The following PCDHGA8 variants were observed in gnomAD, a reference collection of about 807,000 sequenced individuals.
PCDHGA8 encodes the protein protocadherin gamma subfamily A, 8.
In PCDHGA8, 45 loss-of-function variants were observed where a neutral mutation model predicts 59.2. The observed-to-expected ratio is 0.76, with a 90% confidence interval of 0.60 to 0.98. The LOEUF is 0.98. Ranked by LOEUF, PCDHGA8 falls within the 50% of genes least tolerant of loss-of-function variation. The probability of loss-of-function intolerance (pLI) is 0.00; values close to 1 mark genes in which losing one functional copy is unlikely to be tolerated. For synonymous variants in PCDHGA8, 531 were observed against 519.0 expected, an observed-to-expected ratio of 1.02 and a Z score of -0.32; for missense variants, 1,257 against 1,196.2, an observed-to-expected ratio of 1.05 and a Z score of -0.75.
intron 1 of PCDHGA8, chr5:141,430,525 G>C (rs1354801907): frequency 3.3e-5 from 12 of 365,842 alleles, no homozygotes; most frequent in Admixed American, 1.3e-4. Context: ...GCAGTAATTG[G>C]TTAGGACTCT....
At chr5:141,418,305 G>T in intron 1 of PCDHGA8, 1 of 1,614,026 alleles carries the variant, frequency 6.2e-7, no homozygotes, top group South Asian at 1.1e-5. Context: ...GTCAGCCTGG[G>T]GATGGGAACA....
At position 141,408,301 on chromosome 5, in the gene PCDHGA8, C is replaced by T. The variant is rs1472435921; in HGVS notation, c.2424+13064C>T. 3.1e-6 allele frequency: 5 copies of T among 1,613,756 alleles called. No individual in the cohort carries two copies. In the Admixed American group the frequency reaches 8.3e-5, roughly 27 times the overall value. ...TCTACCCCACCCTGAGTGAGCCGAT[C>T]CGCTACTCGATTCCGGAGGAGCTGG... On this transcript the variant is annotated intron_variant, in intron 1 of 3. Transcript: ENST00000398604.
rs767400679 is a variant in PCDHGA8, at chr5:141,476,863, C to T, written c.2425-17944C>T. 2.2e-5 allele frequency: 35 copies of T among 1,613,740 alleles called. No individual in the cohort carries two copies. Among genetic ancestry groups the T allele is most frequent in the Non-Finnish European group, 2.8e-5 (33 of 1,180,062 alleles). On this transcript the variant is annotated intron_variant, in intron 1 of 3. Coordinates refer to ENST00000398604, the MANE Select transcript of PCDHGA8 (RefSeq NM_032088.2). The surrounding 1 kb of genome is among the most constrained non-coding windows in gnomAD (Gnocchi z 7.6). ...CGCCTGTCTTCAACCAGTCCTTGTA[C>T]CGGGCGCGCGTCCTGGAGGATGCAC...
Position 141,490,683 on chromosome 5 carries a change from A to C in PCDHGA8, c.2425-4124A>C, listed in dbSNP as rs766019662. 6 of 1,614,088 alleles carry C rather than the reference A, an allele frequency of 3.7e-6. No homozygotes were observed. The highest frequency in any genetic ancestry group is 5.1e-6 in the Non-Finnish European group (6 of 1,180,034). On this transcript the variant is annotated intron_variant, in intron 1 of 3. Transcript: ENST00000398604. The surrounding 1 kb of genome is among the most constrained non-coding windows in gnomAD (Gnocchi z 5.4). ...TTTGCACTGTGGCTGCCTCAGATCCAGACACTGGGGATAATGCCCGCCTCA... is the reference window on the plus strand; with the variant it reads ...TTTGCACTGTGGCTGCCTCAGATCCCGACACTGGGGATAATGCCCGCCTCA...
intron 1 of PCDHGA8, chr5:141,413,223 G>C (rs1454395834): frequency 6.2e-7 from 1 of 1,613,694 alleles, no homozygotes; most frequent in African/African-American, 1.3e-5. Flanking sequence ...ATTGCAGCGG[G>C]CTGGTCCTGC....
At chr5:141,408,438 C>T (rs749271632) in intron 1 of PCDHGA8, 1 of 1,614,014 alleles carries the variant, frequency 6.2e-7, no homozygotes. Context: ...AGCGTAGACG[C>T]GGAGAGCGGG....
intron 1 of PCDHGA8, among the ~76,000 whole-genome samples, chr5:141,467,790 C>T (rs1321576171): frequency 6.6e-6 from 1 of 152,118 alleles, no homozygotes; most frequent in Non-Finnish European, 1.5e-5. Context: ...TCTCAAGTAG[C>T]TGGGACTACA....
intron 1 of PCDHGA8, chr5:141,405,078 T>G: frequency 6.2e-7 from 1 of 1,613,888 alleles, no homozygotes; most frequent in Non-Finnish European, 8.5e-7. Flanking sequence ...ACCTTCGTTA[T>G]CACGCTGCTG....
At chr5:141,419,475 C>G (rs775720158) in intron 1 of PCDHGA8, 2 of 1,612,266 alleles carry the variant, frequency 1.2e-6, no homozygotes, top group Admixed American at 1.7e-5. Context: ...GACCAGGGCT[C>G]GCCCGCGCTC....
intron 2 of PCDHGA8, among the ~76,000 whole-genome samples, chr5:141,500,136 A>G (rs966215589): frequency 6.6e-6 from 1 of 151,606 alleles, no homozygotes; most frequent in African/African-American, 2.4e-5. Flanking sequence ...ATATCTTTCT[A>G]AACTTTTCTT....
At chr5:141,429,597 G>A (rs937301997) in intron 1 of PCDHGA8, among the ~76,000 whole-genome samples, 2 of 152,094 alleles carry the variant, frequency 1.3e-5, no homozygotes, top group Non-Finnish European at 2.9e-5. Flanking sequence ...TGTAATTCAA[G>A]TAAACTCAAT....
chr5:141,452,278 T>C (rs1047687328), intron 1 of PCDHGA8, among the ~76,000 whole-genome samples: 1 of 152,226 alleles, frequency 6.6e-6, no homozygotes, highest in African/African-American at 2.4e-5. Context: ...AACCCTTTCT[T>C]ACTTTCTGAT....
chr5:141,410,419 TC>T (rs769125626), intron 1 of PCDHGA8: 1 of 1,613,886 alleles, frequency 6.2e-7, no homozygotes, highest in South Asian at 1.1e-5. Flanking sequence ...GACCTGTAGT[TC>T]CCCCCAACTA....
At position 141,511,005 on chromosome 5, in the gene PCDHGA8, C is replaced by T; in HGVS notation, c.2631C>T (p.Ala877=). ...GGGAGTMGLS[A]RYGPQFTLQH... The stretch of plus-strand genomic sequence containing the variant: ...GTGCCGGCACCATGGGATTGAGCGC[C>T]CGCTACGGACCCCAGTTCACCCTGC... Residue 877 remains alanine, a synonymous_variant, in exon 4 of 4, where the codon GCC becomes GCT. Coordinates refer to ENST00000398604, the MANE Select transcript of PCDHGA8 (RefSeq NM_032088.2). The T allele has an allele frequency of 6.2e-7, 1 of 1,614,176 alleles. No individual in the cohort carries two copies.
At chr5:141,495,392 G>A (rs2099760968) in intron 2 of PCDHGA8, among the ~76,000 whole-genome samples, 2 of 152,186 alleles carry the variant, frequency 1.3e-5, no homozygotes, top group Non-Finnish European at 2.9e-5. Context: ...GGCGGGGCAT[G>A]GAGCAGGCCC....
intron 1 of PCDHGA8, among the ~76,000 whole-genome samples, chr5:141,407,444 C>G (rs578101282): frequency 6.7e-6 from 1 of 150,116 alleles, no homozygotes; most frequent in South Asian, 2.1e-4. Flanking sequence ...AAAACCAGAA[C>G]ACGAGGCTCA....
chr5:141,413,994 G>A, intron 1 of PCDHGA8: 1 of 1,613,422 alleles, frequency 6.2e-7, no homozygotes, highest in Non-Finnish European at 8.5e-7. Context: ...CCACCGACAG[G>A]GACGAAGGTG....
intron 1 of PCDHGA8, chr5:141,423,820 C>T: frequency 7.9e-7 from 1 of 1,272,642 alleles, no homozygotes. Context: ...TTTTACTTTG[C>T]CTTTCATGAG....
In PCDHGA8 at chr5:141,394,021, G is replaced by C. The variant is rs2092901030; in HGVS notation, c.1208G>C (p.Arg403Thr). The C allele has an allele frequency of 6.2e-7, 1 of 1,613,480 alleles. No homozygotes were observed. The highest frequency in any genetic ancestry group is 8.5e-7 in the Non-Finnish European group (1 of 1,179,632). ...KLEKSIGNYY[R>T]LVTRKYLDRE... is the part of the protein sequence containing the mutation. The stretch of plus-strand genomic sequence containing the variant: ...GAAAAGTCAATAGGTAATTATTATA[G>C]ATTAGTGACAAGGAAATATTTGGAC... Residue 403 changes from arginine (R) to threonine (T), a missense_variant, in exon 1 of 4, where the codon AGA (arginine) becomes ACA (threonine). Arg to Thr is a moderately conservative substitution (Grantham distance 71, BLOSUM62 -1). Transcript: ENST00000398604.
Sources: gnomAD v4.1 joint callset for allele counts (sites outside exome capture counted in the v4.1 genomes callset) on GRCh38, gnomAD v4.1.1 for gene constraint, Gnocchi (gnomAD v3.1) non-coding constraint, MANE v1.5 for transcripts, NCBI Gene and HGNC (gene_info 2026-07-23, HGNC 2026-07-21) for gene names.